The following TAF2 variants were observed in gnomAD, a reference collection of about 807,000 sequenced individuals.
TAF2 encodes the protein TATA-box binding protein associated factor 2.
In TAF2, 61 loss-of-function variants were observed where a neutral mutation model predicts 138.5. That is an observed-to-expected ratio of 0.44 (90% confidence interval 0.36 to 0.54). TAF2 has a LOEUF of 0.54. TAF2 is among the 20% of genes least tolerant of loss of function. The pLI is 0.00. For missense variants in TAF2, 1,090 were observed against 1,427.9 expected, an observed-to-expected ratio of 0.76 and a Z score of 3.81; for synonymous variants, 475 against 469.9, an observed-to-expected ratio of 1.01 and a Z score of -0.14.
intron 20 of TAF2, among the ~76,000 whole-genome samples, chr8:119,759,025 C>T (rs1260841423): frequency 6.6e-6 from 1 of 152,026 alleles, no homozygotes; most frequent in Non-Finnish European, 1.5e-5. Flanking sequence ...AAATCTTACT[C>T]ATATTTATGA....
chr8:119,761,843 C>G (rs944963157), intron 19 of TAF2: 1 of 151,120 alleles, frequency 6.6e-6, no homozygotes, highest in Non-Finnish European at 1.5e-5. Flanking sequence ...CTCAAAGTTT[C>G]AAGTGTCATT....
chr8:119,809,306 C>T (rs1824875899), intron 3 of TAF2, among the ~76,000 whole-genome samples: 1 of 152,222 alleles, frequency 6.6e-6, no homozygotes, highest in African/African-American at 2.4e-5. Flanking sequence ...TTCCTCACCT[C>T]TCAGCATTCA....
At chr8:119,794,179 C>T (rs1823650865) in intron 9 of TAF2, among the ~76,000 whole-genome samples, 1 of 151,962 alleles carries the variant, frequency 6.6e-6, no homozygotes, top group Non-Finnish European at 1.5e-5. Context: ...AAGTGGATCA[C>T]GAGGTCAGAA....
intron 11 of TAF2, among the ~76,000 whole-genome samples, chr8:119,791,039 A>G (rs1165986870): frequency 1.2e-4 from 19 of 152,086 alleles, no homozygotes; most frequent in Non-Finnish European, 5.9e-5. Context: ...GGCCTCAAGC[A>G]ATCATCCCAC....
intron 18 of TAF2, among the ~76,000 whole-genome samples, chr8:119,769,128 A>T (rs1821650053): frequency 6.6e-6 from 1 of 152,230 alleles, no homozygotes; most frequent in African/African-American, 2.4e-5. Context: ...AAGATCAAGT[A>T]CATACCCATC....
At position 119,744,260 on chromosome 8, in the gene TAF2, C is replaced by G. The variant is rs1819795481; in HGVS notation, c.3214+28G>C. ...TGACATCAACCAATGTCTCCATCTC[C>G]TCAATGATTGCAGAATACTAATCTT... is the stretch of plus-strand genomic sequence containing the variant. On this transcript the variant is annotated intron_variant, in intron 24 of 25. Coordinates refer to ENST00000378164, the MANE Select transcript of TAF2 (RefSeq NM_003184.4). The G allele has an allele frequency of 9.5e-6, 15 of 1,585,446 alleles. No homozygotes were observed. In the East Asian group the frequency reaches 3.4e-4, roughly 35 times the overall value.
At chr8:119,791,629 A>C in intron 10 of TAF2, 170 bp from the exon 11 acceptor site, 1 of 706,250 alleles carries the variant, frequency 1.4e-6, no homozygotes. Context: ...GAAAATTATG[A>C]AGTTTTACTT....
chr8:119,743,969 T>C (rs1224522347), intron 24 of TAF2, among the ~76,000 whole-genome samples: 1 of 152,066 alleles, frequency 6.6e-6, no homozygotes, highest in African/African-American at 2.4e-5. Flanking sequence ...GTTAAAAAAA[T>C]TAATGTAACT....
At chr8:119,787,414 C>T (rs1823097225) in intron 14 of TAF2, among the ~76,000 whole-genome samples, 1 of 151,118 alleles carries the variant, frequency 6.6e-6, no homozygotes, top group South Asian at 2.1e-4. Context: ...CCAACCCCAT[C>T]AAAAAGTGGG....
chr8:119,821,389 C>T (rs1229154793), intron 2 of TAF2, among the ~76,000 whole-genome samples: 2 of 152,204 alleles, frequency 1.3e-5, no homozygotes, highest in African/African-American at 4.8e-5. Flanking sequence ...TGCTTTTCAA[C>T]CTTTTCTAAA....
intron 3 of TAF2, among the ~76,000 whole-genome samples, chr8:119,814,081 C>G (rs1295109950): frequency 1.3e-5 from 2 of 152,082 alleles, no homozygotes; most frequent in Non-Finnish European, 2.9e-5. Flanking sequence ...TATGATTACA[C>G]CACTGCATTC....
At chr8:119,781,700 CTT>C (rs760154157) in intron 16 of TAF2, among the ~76,000 whole-genome samples, 2 of 145,044 alleles carry the variant, frequency 1.4e-5, no homozygotes, top group Admixed American at 6.9e-5. Flanking sequence ...TATTTTTCCT[CTT>C]TTTTTTTTTT....
intron 18 of TAF2, among the ~76,000 whole-genome samples, chr8:119,770,092 A>G: frequency 6.6e-6 from 1 of 151,504 alleles, no homozygotes. Flanking sequence ...CAAAGTCTTC[A>G]AGAAATATGG....
Position 119,797,657 on chromosome 8 carries a change from C to G in TAF2, c.977+5G>C. On this transcript the variant is annotated splice_donor_5th_base_variant and intron_variant, in intron 7 of 25. Transcript: ENST00000378164. ...TAGGCATTTCAAATCTGAAGAGATA[C>G]CAACCTAAAAATGCTCATGGAAGCA... 6.2e-7 allele frequency: 1 copy of G among 1,612,320 alleles called. No homozygotes were observed. Among genetic ancestry groups the G allele is most frequent in the Non-Finnish European group, 8.5e-7 (1 of 1,179,024 alleles).
intron 18 of TAF2, among the ~76,000 whole-genome samples, chr8:119,770,133 T>C (rs375399354): frequency 1.6e-4 from 24 of 151,480 alleles, no homozygotes; most frequent in Admixed American, 4.0e-4. Flanking sequence ...CTGTAACTTA[T>C]AGGCATTCCT....
At chr8:119,777,679 C>CA (rs1325076315) in intron 18 of TAF2, among the ~76,000 whole-genome samples, 3 of 152,084 alleles carry the variant, frequency 2.0e-5, no homozygotes, top group South Asian at 2.1e-4. Flanking sequence ...ATTAGGTGAA[C>CA]AAAAAATAAA....
Position 119,782,192 on chromosome 8 carries a change from C to A in TAF2, c.2113-999G>T, listed in dbSNP as rs543100362. ...TTTAAATAAGGTTTTTCAATCTACC[C>A]TAACTGAACCAGAAGCCAAATACAG... On this transcript the variant is annotated intron_variant, in intron 16 of 25. Coordinates refer to ENST00000378164, the MANE Select transcript of TAF2 (RefSeq NM_003184.4). Among the ~76,000 whole-genome samples, 3 of 152,238 alleles carry A rather than the reference C, an allele frequency of 2.0e-5. No homozygotes were observed. In the South Asian group the frequency reaches 6.2e-4, roughly 32 times the overall value.
intron 2 of TAF2, among the ~76,000 whole-genome samples, chr8:119,831,242 C>T (rs1321520293): frequency 2.0e-5 from 3 of 152,106 alleles, no homozygotes; most frequent in East Asian, 1.9e-4. Context: ...AATACTCTAT[C>T]TAAAACTTCA....
At chr8:119,806,466 TTTC>T in intron 3 of TAF2, 65 bp from the exon 4 acceptor site, 13 of 1,185,418 alleles carry the variant, frequency 1.1e-5, no homozygotes, top group Non-Finnish European at 1.2e-5. Flanking sequence ...TTTTTCTTTC[TTTC>T]TTTTTTTTTT....
Sources: gnomAD v4.1 joint callset for allele counts (sites outside exome capture counted in the v4.1 genomes callset) on GRCh38, gnomAD v4.1.1 for gene constraint, MANE v1.5 for transcripts, NCBI Gene and HGNC (gene_info 2026-07-23, HGNC 2026-07-21) for gene names.